ZACN: variants seen among roughly 807,000 people sequenced by gnomAD.
ZACN encodes ligand-gated cation channel ZACN.
In ZACN, 52 loss-of-function variants were observed where a neutral mutation model predicts 38.9. That is an observed-to-expected ratio of 1.34 (90% CI 1.07 to 1.68). The LOEUF is 1.68. Among genes scored for constraint, ZACN ranks in the 40% most tolerant of loss-of-function variants. ZACN has a pLI of 0.00. For synonymous variants in ZACN, 235 were observed against 227.4 expected, an observed-to-expected ratio of 1.03 and a Z score of -0.30; for missense variants, 559 against 525.6, an observed-to-expected ratio of 1.06 and a Z score of -0.62.
intron 8 of ZACN, 179 bp downstream of exon 8, chr17:76,082,228 CT>C: frequency 1.2e-6 from 1 of 841,184 alleles, no homozygotes; most frequent in Non-Finnish European, 1.8e-6. Flanking sequence ...AGGGAGCAAG[CT>C]GAGCCTCCCT....
chr17:76,082,111 G>T, intron 8 of ZACN, 62 bp downstream of exon 8: 5 of 1,519,628 alleles, frequency 3.3e-6, no homozygotes, highest in Non-Finnish European at 4.4e-6. Context: ...TGGGGTGAGG[G>T]CACGGAGGTC....
chr17:76,080,032 C>T, intron 4 of ZACN, 38 bp downstream of exon 4: 2 of 1,515,450 alleles, frequency 1.3e-6, no homozygotes, highest in Non-Finnish European at 1.8e-6. Flanking sequence ...ATCTGCCATG[C>T]ATAGCCCTCC....
chr17:76,082,066 G>A lies in ZACN; in HGVS notation c.1048+17G>A, dbSNP rs369109233. The A allele has an allele frequency of 5.8e-5, 92 of 1,588,496 alleles. No individual in the cohort carries two copies. Among genetic ancestry groups the A allele is most frequent in the Non-Finnish European group, 7.4e-5 (87 of 1,168,892 alleles). On this transcript the variant is annotated intron_variant, in intron 8 of 8. Transcript: ENST00000334586. ...CTGCTGAAGGTGGGCAGGGGCTGGG[G>A]GGTAAGGAATGAGGCCTAGGTGCAC...
At chr17:76,082,185 G>A in intron 8 of ZACN, 136 bp downstream of exon 8, 2 of 1,128,386 alleles carry the variant, frequency 1.8e-6, no homozygotes, top group South Asian at 3.1e-5. Context: ...TCTCCACCAT[G>A]TCCTCCTCCC....
Position 76,079,978 on chromosome 17 carries a change from C to A in ZACN, c.358C>A (p.Leu120Ile). The change falls in exon 4 of 9, where the codon CTC becomes ATC. Residue 120 changes from leucine (L) to isoleucine (I), a missense_variant. Coordinates refer to ENST00000334586, the MANE Select transcript of ZACN (RefSeq NM_180990.4). ...CTGGGAGTCTCTCTGGACACCAAGG[C>A]TCACCATCCTGGAGGCGTAAGTGAG... ...LPWESLWTPR[L>I]TILEALWVDW... is the part of the protein sequence containing the mutation. 1 of 1,585,266 alleles carries A rather than the reference C, an allele frequency of 6.3e-7. No homozygotes were observed. The highest frequency in any genetic ancestry group is 2.3e-5 in the East Asian group (1 of 42,906).
chr17:76,079,527 G>A lies in ZACN; in HGVS notation c.186G>A (p.Val62=), dbSNP rs1450542406. The A allele has an allele frequency of 6.2e-7, 1 of 1,614,192 alleles. No homozygotes were observed. Among genetic ancestry groups the A allele is most frequent in the East Asian group, 2.2e-5 (1 of 44,890 alleles). ...IPNNGSAPLL[V]DVRVFVSNVF... ...ACAATGGGAGTGCGCCCCTGCTCGT[G>A]GATGTGCGGGTGTTTGTCTCCAACG... Residue 62 remains valine, a synonymous_variant, in exon 2 of 9, where the codon GTG becomes GTA. Transcript: ENST00000334586.
chr17:76,081,844 T>G, intron 7 of ZACN, 38 bp from the exon 8 acceptor site: 1 of 1,609,330 alleles, frequency 6.2e-7, no homozygotes. Flanking sequence ...ACACAGGGAC[T>G]GGCCCCTGAG....
At chr17:76,081,169 CA>C in intron 5 of ZACN, 108 bp from the exon 6 acceptor site, 2 of 1,491,940 alleles carry the variant, frequency 1.3e-6, no homozygotes, top group Non-Finnish European at 1.8e-6. Context: ...CTGTCCCTGC[CA>C]AAAGCCATCA....
In ZACN at chr17:76,079,707, C is replaced by T. The variant is rs1224133258; in HGVS notation, c.228C>T (p.Ile76=). The T allele has an allele frequency of 1.2e-6, 2 of 1,613,536 alleles. No homozygotes were observed. The highest frequency in any genetic ancestry group is 8.5e-7 in the Non-Finnish European group (1 of 1,179,640). Residue 76 remains isoleucine (I), a synonymous_variant, in exon 3 of 9, where the codon ATC becomes ATT. Coordinates refer to ENST00000334586, the MANE Select transcript of ZACN (RefSeq NM_180990.4). The part of the protein sequence containing the change: ...VFVSNVFNVD[I]LRYTMSSMLL... ...ATGCATTGCCCTTCCCCCAGGACAT[C>T]CTGCGATACACAATGTCCTCCATGC...
At chr17:76,080,615 A>G (rs895716329) in intron 5 of ZACN, 191 bp downstream of exon 5, 1 of 804,480 alleles carries the variant, frequency 1.2e-6, no homozygotes, top group East Asian at 2.7e-5. Flanking sequence ...CTGCTCTCCC[A>G]CTGCGCCCCC....
intron 2 of ZACN, 64 bp downstream of exon 2, chr17:76,079,627 G>C: frequency 6.2e-7 from 1 of 1,612,518 alleles, no homozygotes; most frequent in Non-Finnish European, 8.5e-7. Flanking sequence ...CTCAGCCCTG[G>C]ATAGTGCTGG....
At chr17:76,081,455 T>A in intron 6 of ZACN, 53 bp downstream of exon 6, 1 of 1,611,102 alleles carries the variant, frequency 6.2e-7, no homozygotes, top group South Asian at 1.1e-5. Context: ...CGGGTGGGAG[T>A]GAGGATGCAC....
chr17:76,079,359 C>A lies in ZACN; in HGVS notation c.95C>A (p.Ala32Asp), dbSNP rs1450983200. The A allele has an allele frequency of 2.2e-5, 35 of 1,614,060 alleles. No homozygotes were observed. The East Asian group carries it at 7.8e-4, about 36-fold the overall frequency. ...VHGQGFQGTA[A>D]IWPSLFNVNL... ...GGGCAGGGCTTCCAAGGGACAGCAG[C>A]CAGTAGGTGGAGGGCAAGGTCATAA... The change falls in exon 1 of 9, where the codon GCC becomes GAC. Residue 32 changes from alanine (A) to aspartate (D), a missense_variant and splice_region_variant. Physicochemically the swap from Ala to Asp is moderately radical, Grantham distance 126 (BLOSUM62 -2). Transcript: ENST00000334586.
intron 4 of ZACN, 61 bp downstream of exon 4, chr17:76,080,055 T>A (rs1019453333): frequency 2.0e-6 from 3 of 1,517,318 alleles, no homozygotes; most frequent in Non-Finnish European, 2.7e-6. Flanking sequence ...TTCCCCCATC[T>A]ACAACCTAGA....
Position 76,079,554 on chromosome 17 carries a change from G to C in ZACN, c.213G>C (p.Val71=). ...LVDVRVFVSN[V]FNVDILRYTM... is the part of the protein sequence containing the mutation. Reference sequence around the variant, plus strand: ...ATGTGCGGGTGTTTGTCTCCAACGTGTTTAATGTGGTAAGTGCCTCTAGGC... The same window carrying C: ...ATGTGCGGGTGTTTGTCTCCAACGTCTTTAATGTGGTAAGTGCCTCTAGGC... The change falls in exon 2 of 9, where the codon GTG becomes GTC. Residue 71 remains valine (V), a synonymous_variant. Coordinates refer to ENST00000334586, the MANE Select transcript of ZACN (RefSeq NM_180990.4). The C allele has an allele frequency of 6.2e-7, 1 of 1,614,214 alleles. No homozygotes were observed.
At position 76,082,767 on chromosome 17, in the gene ZACN, C is replaced by A; in HGVS notation, c.*114C>A. 9.7e-7 allele frequency: 1 copy of A among 1,032,394 alleles called. No homozygotes were observed. The highest frequency in any genetic ancestry group is 1.4e-6 in the Non-Finnish European group (1 of 737,114). 64.0% of individuals were successfully genotyped at this position (1,032,394 alleles called of 1,614,324 possible). On this transcript the variant is annotated 3_prime_UTR_variant, in exon 9 of 9. Transcript: ENST00000334586. ...ACCCTGAGCTCTCCCTCCGCTAGCA[C>A]ACAAGCACAGAGCGTGAAATAAACC... is the stretch of plus-strand genomic sequence containing the variant.
intron 4 of ZACN, 44 bp from the exon 5 acceptor site, chr17:76,080,211 C>A: frequency 6.4e-7 from 1 of 1,574,488 alleles, no homozygotes; most frequent in African/African-American, 1.4e-5. Flanking sequence ...CCGGCCCCGT[C>A]CAAGAAGGGG....
Position 76,081,374 on chromosome 17 carries a change from A to C in ZACN, c.641A>C (p.Gln214Pro), listed in dbSNP as rs2066964313. The change falls in exon 6 of 9, where the codon CAG becomes CCG. Residue 214 changes from glutamine (Q) to proline (P), a missense_variant. Coordinates refer to ENST00000334586, the MANE Select transcript of ZACN (RefSeq NM_180990.4). ...VYDLKTQVPP[Q>P]QLVPCFQVTL... is the part of the protein sequence containing the mutation. ...GATCTGAAGACCCAAGTCCCACCCC[A>C]GCAGCTGGTGCCCTGCTTCCAGGTG... 6.2e-7 allele frequency: 1 copy of C among 1,614,016 alleles called. No homozygotes were observed. The highest frequency in any genetic ancestry group is 8.5e-7 in the Non-Finnish European group (1 of 1,180,036).
chr17:76,082,254 C>G (rs185386695), intron 8 of ZACN: 1 of 768,932 alleles, frequency 1.3e-6, no homozygotes, highest in African/African-American at 1.8e-5. Flanking sequence ...TCCCAGGTGA[C>G]CTCAATCCCC....
Sources: gnomAD v4.1 joint callset for allele counts on GRCh38, gnomAD v4.1.1 for gene constraint, MANE v1.5 for transcripts, NCBI Gene and HGNC (gene_info 2026-07-23, HGNC 2026-07-21) for gene names.